RTN1: variants seen among roughly 807,000 people sequenced by gnomAD.
The protein encoded by RTN1 is reticulon-1.
RTN1 carries 25 observed loss-of-function variants against 65.5 expected under a neutral mutation model. The observed-to-expected ratio is 0.38, with a 90% CI of 0.28 to 0.53. RTN1 has a LOEUF of 0.53. RTN1 is among the 20% of genes least tolerant of loss of function. RTN1 has a pLI of 0.79. For synonymous variants in RTN1, 471 were observed against 447.6 expected (o/e 1.05, Z -0.66); for missense variants, 983 against 1,025.4 (o/e 0.96, Z 0.57).
At chr14:59,755,513 G>T (rs1321148299) in intron 1 of RTN1, among the ~76,000 whole-genome samples, 1 of 152,136 alleles carries the variant, frequency 6.6e-6, no homozygotes, top group Non-Finnish European at 1.5e-5. Flanking sequence ...CCATGTGATG[G>T]ATAGCAGCAG....
chr14:59,870,484 C>T lies in RTN1; in HGVS notation c.147G>A (p.Pro49=), dbSNP rs1566754522. The T allele has an allele frequency of 2.0e-6, 3 of 1,465,660 alleles. No homozygotes were observed. The highest frequency in any genetic ancestry group is 2.7e-6 in the Non-Finnish European group (3 of 1,116,100). 90.8% of individuals were successfully genotyped at this position (1,465,660 alleles called of 1,614,324 possible). The change falls in exon 1 of 9, where the codon CCG becomes CCA. Residue 49 remains proline, a synonymous_variant. Coordinates refer to ENST00000267484, the MANE Select transcript of RTN1 (RefSeq NM_021136.3). The surrounding 1 kb of genome is among the most constrained non-coding windows in gnomAD (Gnocchi z 5.1). ...TPAPQAGEPS[P]GLGARAREAA... is the part of the protein sequence containing the mutation. ...CTTCCCGGGCCCTGGCGCCCAACCCCGGGCTGGGCTCCCCAGCCTGCGGCG... is the reference window on the plus strand; with the variant it reads ...CTTCCCGGGCCCTGGCGCCCAACCCTGGGCTGGGCTCCCCAGCCTGCGGCG...
chr14:59,862,768 G>C (rs2139677118), intron 1 of RTN1, among the ~76,000 whole-genome samples: 1 of 152,232 alleles, frequency 6.6e-6, no homozygotes, highest in African/African-American at 2.4e-5. Flanking sequence ...AGCTCTAAGT[G>C]AGCCCCAAGG....
At chr14:59,741,384 G>A (rs1461139734) in intron 2 of RTN1, among the ~76,000 whole-genome samples, 1 of 152,078 alleles carries the variant, frequency 6.6e-6, no homozygotes, top group South Asian at 2.1e-4. Context: ...TTGCCTTGCT[G>A]TATTTTTCTT....
At chr14:59,726,645 G>T (rs1223013531) in intron 3 of RTN1, among the ~76,000 whole-genome samples, 1 of 152,224 alleles carries the variant, frequency 6.6e-6, no homozygotes, top group Non-Finnish European at 1.5e-5. Context: ...CCATTTAGGA[G>T]ATCCTGGAGT....
intron 3 of RTN1, chr14:59,610,275 A>G (rs1314879325): frequency 4.7e-6 from 3 of 640,192 alleles, no homozygotes; most frequent in Admixed American, 5.5e-5. Flanking sequence ...AGTTTGGTGT[A>G]GGGTCGTCTC....
chr14:59,750,198 C>A (rs568996632), intron 1 of RTN1, among the ~76,000 whole-genome samples: 9 of 46,000 alleles, frequency 2.0e-4, no homozygotes, highest in Non-Finnish European at 2.4e-4. Flanking sequence ...TATATTATAT[C>A]TATAATATAT....
intron 3 of RTN1, among the ~76,000 whole-genome samples, chr14:59,699,423 G>A (rs1884134255): frequency 6.6e-6 from 1 of 152,006 alleles, no homozygotes; most frequent in South Asian, 2.1e-4. Flanking sequence ...AACAAAACTT[G>A]TTCCATCTAA....
At chr14:59,736,343 A>G (rs1448449332) in intron 2 of RTN1, among the ~76,000 whole-genome samples, 1 of 152,224 alleles carries the variant, frequency 6.6e-6, no homozygotes, top group African/African-American at 2.4e-5. Flanking sequence ...TAAGGGAGAT[A>G]TCACCACTGA....
At chr14:59,654,642 T>C (rs1883086884) in intron 3 of RTN1, among the ~76,000 whole-genome samples, 1 of 152,136 alleles carries the variant, frequency 6.6e-6, no homozygotes, top group Non-Finnish European at 1.5e-5. Context: ...TAGGTGGGAT[T>C]TGTTCCAGGG....
At chr14:59,738,717 C>T (rs1340137509) in intron 2 of RTN1, among the ~76,000 whole-genome samples, 4 of 152,160 alleles carry the variant, frequency 2.6e-5, no homozygotes, top group African/African-American at 4.8e-5. Context: ...TTTATTGCAG[C>T]ACTATTTACA....
chr14:59,826,580 T>C (rs1022028425), intron 1 of RTN1, among the ~76,000 whole-genome samples: 29 of 152,242 alleles, frequency 1.9e-4, no homozygotes, highest in Admixed American at 4.6e-4. Flanking sequence ...GTGAACAAGC[T>C]ATGAGAAAGA....
intron 1 of RTN1, among the ~76,000 whole-genome samples, chr14:59,776,524 T>C (rs576199991): frequency 5.1e-4 from 78 of 152,290 alleles, no homozygotes; most frequent in Non-Finnish European, 1.0e-3. Context: ...ACCCAACCTG[T>C]GGCATTCTAT....
In RTN1 at chr14:59,829,732, A is replaced by C. The variant is rs1462934574; in HGVS notation, c.241+40658T>G. ...CCCCACTCCTGTGCTTCCACAAAGCAAGAGGAAGGAAATGTGGTGAAGCAC... is the reference window on the plus strand; with the variant it reads ...CCCCACTCCTGTGCTTCCACAAAGCCAGAGGAAGGAAATGTGGTGAAGCAC... On this transcript the variant is annotated intron_variant, in intron 1 of 8. Coordinates refer to ENST00000267484, the MANE Select transcript of RTN1 (RefSeq NM_021136.3). The surrounding 1 kb of genome is among the most constrained non-coding windows in gnomAD (Gnocchi z 4.3). Among the ~76,000 whole-genome samples, 1 of 152,210 alleles carries C rather than the reference A, an allele frequency of 6.6e-6. No homozygotes were observed. The highest frequency in any genetic ancestry group is 1.5e-5 in the Non-Finnish European group (1 of 68,030).
intron 1 of RTN1, among the ~76,000 whole-genome samples, chr14:59,791,837 T>C (rs1485368221): frequency 6.6e-6 from 1 of 152,184 alleles, no homozygotes; most frequent in Non-Finnish European, 1.5e-5. Context: ...GTCAGTTTTA[T>C]AAAGGTTAGC....
chr14:59,630,364 G>C (rs1882511651), intron 3 of RTN1: 2 of 1,576,416 alleles, frequency 1.3e-6, no homozygotes, highest in Non-Finnish European at 1.7e-6. Flanking sequence ...GGTCCCACAG[G>C]TGAAATGATG....
intron 3 of RTN1, among the ~76,000 whole-genome samples, chr14:59,689,468 GATACT>G (rs1883913188): frequency 6.6e-6 from 1 of 152,122 alleles, no homozygotes; most frequent in Admixed American, 6.6e-5. Flanking sequence ...ACACCTGTGA[GATACT>G]ATACAAGATA....
chr14:59,714,949 T>C lies in RTN1; in HGVS notation c.1765+11970A>G, dbSNP rs551254406. On this transcript the variant is annotated intron_variant, in intron 3 of 8. Transcript: ENST00000267484. ...TAGATTCTCATAGGAGCGTGAACCT[T>C]ATTGTAAACTGCACAAGCAAGGGAT... is the stretch of plus-strand genomic sequence containing the variant. Among the ~76,000 whole-genome samples, 3 of 152,278 alleles carry C rather than the reference T, an allele frequency of 2.0e-5. No homozygotes were observed. The South Asian group carries it at 6.2e-4, about 32-fold the overall frequency.
chr14:59,727,714 G>A lies in RTN1; in HGVS notation c.1016-46C>T. 1 of 1,531,820 alleles carries A rather than the reference G, an allele frequency of 6.5e-7. No homozygotes were observed. Among genetic ancestry groups the A allele is most frequent in the Non-Finnish European group, 8.8e-7 (1 of 1,141,220 alleles). 94.9% of individuals were successfully genotyped at this position (1,531,820 alleles called of 1,614,324 possible). A position where few individuals can be genotyped will look rare whatever the true frequency, so the allele number is the denominator to read the frequency against. On this transcript the variant is annotated intron_variant, in intron 2 of 8. Coordinates refer to ENST00000267484, the MANE Select transcript of RTN1 (RefSeq NM_021136.3). The surrounding 1 kb of genome is among the most constrained non-coding windows in gnomAD (Gnocchi z 4.2). ...GGAGAGCCACGGAGGCACACACACG[G>A]ACAGACAGATGGACAGAGAGAGGAG...
intron 3 of RTN1, among the ~76,000 whole-genome samples, chr14:59,713,774 G>GGAA (rs1254025928): frequency 6.6e-6 from 1 of 152,048 alleles, no homozygotes; most frequent in African/African-American, 2.4e-5. Flanking sequence ...CAACATTTCA[G>GGAA]GAAGAAGCAA....
Sources: gnomAD v4.1 joint callset for allele counts (sites outside exome capture counted in the v4.1 genomes callset) on GRCh38, gnomAD v4.1.1 for gene constraint, Gnocchi (gnomAD v3.1) non-coding constraint, MANE v1.5 for transcripts, NCBI Gene and HGNC (gene_info 2026-07-23, HGNC 2026-07-21) for gene names.